Variants in IMPG2 observed in about 807,000 individuals in gnomAD.
The protein encoded by IMPG2 is interphotoreceptor matrix proteoglycan 2.
IMPG2 carries 91 observed loss-of-function variants against 129.2 expected under a neutral mutation model. That is an observed-to-expected ratio of 0.70 (90% CI 0.59 to 0.84). The LOEUF (loss-of-function observed/expected upper bound fraction) is 0.84. IMPG2 is among the 40% of genes least tolerant of loss of function. The probability of loss-of-function intolerance (pLI) is 0.00; values close to 1 mark genes in which losing one functional copy is unlikely to be tolerated. For synonymous variants in IMPG2, 510 were observed against 517.7 expected, an observed-to-expected ratio of 0.99 and a Z score of 0.20; for missense variants, 1,430 against 1,461.7, an observed-to-expected ratio of 0.98 and a Z score of 0.35.
intron 14 of IMPG2, 50 bp from the exon 15 acceptor site, chr3:101,233,041 T>C (rs1032244469): frequency 2.6e-6 from 4 of 1,543,908 alleles, no homozygotes; most frequent in Admixed American, 1.7e-5. Flanking sequence ...ACACAGAAAC[T>C]GGGGTATACA....
At chr3:101,237,833 C>T (rs1706363452) in intron 14 of IMPG2, among the ~76,000 whole-genome samples, 2 of 152,012 alleles carry the variant, frequency 1.3e-5, no homozygotes, top group Non-Finnish European at 2.9e-5. Context: ...AATCACAACT[C>T]CTTGCCAGCA....
chr3:101,263,041 A>G (rs1389072124), intron 9 of IMPG2, among the ~76,000 whole-genome samples: 1 of 152,084 alleles, frequency 6.6e-6, no homozygotes, highest in Non-Finnish European at 1.5e-5. Context: ...GAGCACCAAG[A>G]CATATAAAGC....
intron 4 of IMPG2, among the ~76,000 whole-genome samples, chr3:101,279,705 C>T (rs896289498): frequency 6.6e-6 from 1 of 152,176 alleles, no homozygotes; most frequent in Non-Finnish European, 1.5e-5. Flanking sequence ...TTGTCTCCGA[C>T]GTCAAATCAA....
At position 101,269,534 on chromosome 3, in the gene IMPG2, T is replaced by C. The variant is rs1185919370; in HGVS notation, c.868A>G (p.Ile290Val). 2 of 1,592,898 alleles carry C rather than the reference T, an allele frequency of 1.3e-6. No homozygotes were observed. Among genetic ancestry groups the C allele is most frequent in the South Asian group, 2.2e-5 (2 of 90,550 alleles). Residue 290 changes from isoleucine (I) to valine (V), a missense_variant, in exon 8 of 19, where the codon ATT (isoleucine) becomes GTT (valine). Physicochemically the swap from Ile to Val is conservative, Grantham distance 29. Coordinates refer to ENST00000193391, the MANE Select transcript of IMPG2 (RefSeq NM_016247.4). The stretch of plus-strand genomic sequence containing the variant: ...ATTTACCTAAATTCAAGTACACGAA[T>C]TTCCTTGTAGCCTGGTAACCCAGTA... ...AFTGLPGYKE[I>V]RVLEFRSPKE...
intron 4 of IMPG2, among the ~76,000 whole-genome samples, chr3:101,286,305 A>G (rs1190268051): frequency 6.6e-6 from 1 of 152,158 alleles, no homozygotes; most frequent in Non-Finnish European, 1.5e-5. Context: ...GGCAAATATC[A>G]TTGTCCATTC....
intron 3 of IMPG2, among the ~76,000 whole-genome samples, chr3:101,300,678 T>A (rs1281500647): frequency 6.6e-6 from 1 of 152,238 alleles, no homozygotes; most frequent in African/African-American, 2.4e-5. Context: ...GTCACGCCAG[T>A]TGCCTAGTCA....
chr3:101,232,158 C>T lies in IMPG2; in HGVS notation c.3233+623G>A, dbSNP rs368866260. Among the ~76,000 whole-genome samples the T allele has an allele frequency of 3.9e-5, 6 of 152,172 alleles. No homozygotes were observed. The East Asian group carries it at 1.2e-3, about 29-fold the overall frequency. ...CTCATTTGAACACCAGTTTCCTTACCATCACCATTAAAAACTACAATACAA... is the reference window on the plus strand; with the variant it reads ...CTCATTTGAACACCAGTTTCCTTACTATCACCATTAAAAACTACAATACAA... On this transcript the variant is annotated intron_variant, in intron 15 of 18. Coordinates refer to ENST00000193391, the MANE Select transcript of IMPG2 (RefSeq NM_016247.4).
At chr3:101,260,019 G>T (rs944785695) in intron 9 of IMPG2, among the ~76,000 whole-genome samples, 3 of 152,064 alleles carry the variant, frequency 2.0e-5, no homozygotes, top group African/African-American at 7.2e-5. Context: ...GTCTTTTATG[G>T]TTTGGTAAGC....
intron 17 of IMPG2, among the ~76,000 whole-genome samples, chr3:101,229,105 A>G (rs1048034747): frequency 2.0e-5 from 3 of 150,728 alleles, no homozygotes; most frequent in Admixed American, 6.6e-5. Context: ...CTAAGGAAGA[A>G]AGGGAGGAAG....
chr3:101,299,996 A>G (rs1277489305), intron 3 of IMPG2, among the ~76,000 whole-genome samples: 3 of 152,206 alleles, frequency 2.0e-5, no homozygotes, highest in Non-Finnish European at 4.4e-5. Context: ...CAGCACTACC[A>G]GGAGGGAAGA....
chr3:101,265,010 G>GA (rs1706707838), intron 9 of IMPG2, among the ~76,000 whole-genome samples: 2 of 151,830 alleles, frequency 1.3e-5, no homozygotes, highest in Non-Finnish European at 2.9e-5. Flanking sequence ...ACCTCTGCAA[G>GA]AAAAACTACA....
intron 4 of IMPG2, among the ~76,000 whole-genome samples, chr3:101,286,616 T>G (rs992453954): frequency 6.6e-6 from 1 of 152,208 alleles, no homozygotes; most frequent in Admixed American, 6.6e-5. Flanking sequence ...TGTAGATATA[T>G]GTACTCACAC....
At chr3:101,270,350 G>A (rs994755026) in intron 7 of IMPG2, among the ~76,000 whole-genome samples, 9 of 152,090 alleles carry the variant, frequency 5.9e-5, no homozygotes, top group Admixed American at 3.9e-4. Context: ...CTCCTACAAC[G>A]AAAGAGAACC....
chr3:101,270,663 G>T (rs1409573697), intron 7 of IMPG2, among the ~76,000 whole-genome samples: 1 of 152,058 alleles, frequency 6.6e-6, no homozygotes. Flanking sequence ...AGCCAGGCGT[G>T]GTGGTGGGCG....
At chr3:101,232,279 C>T (rs1212745070) in intron 15 of IMPG2, among the ~76,000 whole-genome samples, 1 of 151,386 alleles carries the variant, frequency 6.6e-6, no homozygotes, top group Admixed American at 6.6e-5. Context: ...ATCTTGTTGC[C>T]CAGGCTGGAG....
At chr3:101,312,584 T>C (rs561086855) in intron 2 of IMPG2, among the ~76,000 whole-genome samples, 1 of 152,176 alleles carries the variant, frequency 6.6e-6, no homozygotes, top group African/African-American at 2.4e-5. Flanking sequence ...TATAACACAG[T>C]ACAATCACTT....
intron 4 of IMPG2, 108 bp from the exon 5 acceptor site, chr3:101,276,821 G>C: frequency 1.3e-6 from 1 of 760,970 alleles, no homozygotes; most frequent in Non-Finnish European, 2.2e-6. Context: ...CACCAAGTAA[G>C]GGCTCCCAAG....
At chr3:101,309,926 G>A (rs1707242445) in intron 2 of IMPG2, among the ~76,000 whole-genome samples, 2 of 152,146 alleles carry the variant, frequency 1.3e-5, no homozygotes, top group African/African-American at 4.8e-5. Flanking sequence ...TTACACAAAA[G>A]AGCACATACT....
At chr3:101,258,621 AC>A (rs1239399884) in intron 9 of IMPG2, among the ~76,000 whole-genome samples, 1 of 152,090 alleles carries the variant, frequency 6.6e-6, no homozygotes, top group Non-Finnish European at 1.5e-5. Context: ...TAAAACCTCA[AC>A]AAGTACTAAC....
Sources: allele counts gnomAD v4.1 joint callset (sites outside exome capture counted in the v4.1 genomes callset), GRCh38; gene constraint gnomAD v4.1.1; transcripts MANE v1.5; gene names NCBI Gene and HGNC (gene_info 2026-07-23, HGNC 2026-07-21).